Variants in RPS6KA2 observed in about 807,000 individuals in gnomAD.
RPS6KA2 encodes the protein ribosomal protein S6 kinase A2, also known as ribosomal protein S6 kinase alpha-2.
In RPS6KA2, 42 loss-of-function variants were observed where a neutral mutation model predicts 91.8. The ratio of observed to expected loss-of-function variants is 0.46; its 90% CI spans 0.36 to 0.59. The LOEUF is 0.59. Among genes scored for constraint, RPS6KA2 ranks in the 20% least tolerant of loss-of-function variants. RPS6KA2 has a pLI of 0.00. For synonymous variants in RPS6KA2, 414 were observed against 393.6 expected (o/e 1.05, Z -0.61); for missense variants, 798 against 978.5 (o/e 0.82, Z 2.46).
intron 10 of RPS6KA2, among the ~76,000 whole-genome samples, chr6:166,481,308 T>C (rs1781205071): frequency 6.6e-6 from 1 of 152,256 alleles, no homozygotes; most frequent in Non-Finnish European, 1.5e-5. Context: ...TGGTCTTTGT[T>C]GTTGCAAAGA....
chr6:166,644,741 C>A (rs1202247047), intron 2 of RPS6KA2, among the ~76,000 whole-genome samples: 1 of 152,204 alleles, frequency 6.6e-6, no homozygotes, highest in Non-Finnish European at 1.5e-5. Flanking sequence ...ACCTTGAAGT[C>A]CTAACCCCTA....
chr6:166,470,065 G>A (rs1375593958), intron 10 of RPS6KA2, among the ~76,000 whole-genome samples, 160 bp from the exon 11 acceptor site: 3 of 152,210 alleles, frequency 2.0e-5, no homozygotes, highest in African/African-American at 4.8e-5. Context: ...CGCACCTGCC[G>A]ATGCCCCCAG....
chr6:166,788,576 T>C (rs1214560710), intron 2 of RPS6KA2, among the ~76,000 whole-genome samples: 1 of 152,088 alleles, frequency 6.6e-6, no homozygotes, highest in Non-Finnish European at 1.5e-5. Flanking sequence ...CTCAACAAAC[T>C]AACACAGAAA....
At chr6:166,809,678 T>C (rs1474565492) in intron 2 of RPS6KA2, among the ~76,000 whole-genome samples, 1 of 152,220 alleles carries the variant, frequency 6.6e-6, no homozygotes, top group Non-Finnish European at 1.5e-5. Context: ...ATTAGGATGC[T>C]GGGTGGTACC....
intron 2 of RPS6KA2, among the ~76,000 whole-genome samples, chr6:166,687,461 G>T (rs1204698216): frequency 1.3e-5 from 2 of 152,202 alleles, no homozygotes; most frequent in South Asian, 2.1e-4. Context: ...CTGTTCTAGT[G>T]GGGGCAGGGG....
chr6:166,832,478 C>T (rs1006894489), intron 2 of RPS6KA2, among the ~76,000 whole-genome samples: 1 of 152,190 alleles, frequency 6.6e-6, no homozygotes, highest in Non-Finnish European at 1.5e-5. Context: ...AGATATTACT[C>T]TAGAGACAAA....
chr6:166,613,295 G>C (rs931056554), intron 1 of RPS6KA2, among the ~76,000 whole-genome samples: 2 of 152,250 alleles, frequency 1.3e-5, no homozygotes, highest in East Asian at 3.8e-4. Context: ...GCAAGAGCTA[G>C]GAGCAGTGCT....
At chr6:166,722,318 G>A (rs1356858139) in intron 2 of RPS6KA2, among the ~76,000 whole-genome samples, 2 of 152,068 alleles carry the variant, frequency 1.3e-5, no homozygotes, top group Non-Finnish European at 2.9e-5. Context: ...GACGCTTAGA[G>A]TGGAAAAGCG....
rs186251902 is a variant in RPS6KA2 at position 166,715,145 on chromosome 6, G to C, written c.123+143055C>G. Among the ~76,000 whole-genome samples the C allele has an allele frequency of 3.5e-4, 53 of 152,366 alleles. 1 individual carries two copies. The East Asian group carries it at 9.8e-3, about 28-fold the overall frequency. ...AGGTGGAGCACTGGGAGGCCCCAGA[G>C]ACTGCAGAGCACCCCTCCAGGCAGC... On this transcript the variant is annotated intron_variant, in intron 2 of 21. Transcript: ENST00000503859.
chr6:166,757,563 C>T (rs1159883536), intron 2 of RPS6KA2: 1 of 456,318 alleles, frequency 2.2e-6, no homozygotes, highest in Non-Finnish European at 4.4e-6. Context: ...TCTTGTGTGG[C>T]AGCCTGATCA....
At chr6:166,472,372 A>T (rs1301334579) in intron 10 of RPS6KA2, among the ~76,000 whole-genome samples, 2 of 152,202 alleles carry the variant, frequency 1.3e-5, no homozygotes, top group Non-Finnish European at 2.9e-5. Context: ...TATAACTACT[A>T]TGTAACTGGT....
In RPS6KA2 at chr6:166,500,387, GAA is replaced by G. The variant is rs1180079910; in HGVS notation, c.604+498_604+499del. Among the ~76,000 whole-genome samples, 1 of 152,226 alleles carries G rather than the reference GAA, an allele frequency of 6.6e-6. No homozygotes were observed. Among genetic ancestry groups the G allele is most frequent in the African/African-American group, 2.4e-5 (1 of 41,454 alleles). ...GCTGGTGGCTGCCAGGGCTCAGATG[GAA>G]ACAGGGAGGGAAGTCACGTGGCCAC... On this transcript the variant is annotated intron_variant, in intron 7 of 20. Transcript: ENST00000265678. The surrounding 1 kb of genome is among the most constrained non-coding windows in gnomAD (Gnocchi z 4.3).
intron 2 of RPS6KA2, among the ~76,000 whole-genome samples, chr6:166,815,718 G>A (rs1779743663): frequency 6.6e-6 from 1 of 152,178 alleles, no homozygotes; most frequent in African/African-American, 2.4e-5. Flanking sequence ...TGGAATTAAA[G>A]AGGAAGAGAC....
At chr6:166,470,023 C>A in intron 10 of RPS6KA2, 118 bp from the exon 11 acceptor site, 2 of 900,584 alleles carry the variant, frequency 2.2e-6, no homozygotes, top group East Asian at 5.1e-5. Context: ...GGAAGGAGCC[C>A]AGAGGCTGCT....
In RPS6KA2 at chr6:166,500,590, A is replaced by G. The variant is rs1184763478; in HGVS notation, c.604+297T>C. On this transcript the variant is annotated intron_variant, in intron 7 of 20. Coordinates refer to ENST00000265678, the MANE Select transcript of RPS6KA2 (RefSeq NM_021135.6). The surrounding 1 kb of genome is among the most constrained non-coding windows in gnomAD (Gnocchi z 4.3). ...TCCAGATGTCTGCACTAAGGTCAGCACTGGGCACTGGGACTCCTGAACTAA... is the reference window on the plus strand; with the variant it reads ...TCCAGATGTCTGCACTAAGGTCAGCGCTGGGCACTGGGACTCCTGAACTAA... Among the ~76,000 whole-genome samples the G allele has an allele frequency of 6.6e-6, 1 of 152,216 alleles. No homozygotes were observed. Among genetic ancestry groups the G allele is most frequent in the Non-Finnish European group, 1.5e-5 (1 of 68,036 alleles).
At chr6:166,457,648 T>C (rs1030224844) in intron 12 of RPS6KA2, among the ~76,000 whole-genome samples, 3 of 152,194 alleles carry the variant, frequency 2.0e-5, no homozygotes, top group African/African-American at 7.2e-5. Context: ...TCAGCTTTCT[T>C]CCTGTTCTTG....
chr6:166,833,763 C>T (rs568810345), intron 2 of RPS6KA2, among the ~76,000 whole-genome samples: 7 of 152,322 alleles, frequency 4.6e-5, no homozygotes, highest in South Asian at 4.1e-4. Flanking sequence ...TATCTATTCA[C>T]GAGTTTATCA....
intron 2 of RPS6KA2, among the ~76,000 whole-genome samples, chr6:166,693,799 G>A (rs1160888455): frequency 6.6e-6 from 1 of 152,092 alleles, no homozygotes; most frequent in South Asian, 2.1e-4. Flanking sequence ...GAGGGAGAAA[G>A]GCCACAAAAA....
At chr6:166,820,040 A>AG in intron 2 of RPS6KA2, among the ~76,000 whole-genome samples, 1 of 152,206 alleles carries the variant, frequency 6.6e-6, no homozygotes, top group Non-Finnish European at 1.5e-5. Context: ...TCTGAGGTGA[A>AG]GGGAAGTAGC....
Sources: gnomAD v4.1 joint callset for allele counts (sites outside exome capture counted in the v4.1 genomes callset) on GRCh38, gnomAD v4.1.1 for gene constraint, Gnocchi (gnomAD v3.1) non-coding constraint, MANE v1.5 for transcripts, NCBI Gene and HGNC (gene_info 2026-07-23, HGNC 2026-07-21) for gene names.